The following CTNNA1 variants were observed in gnomAD, a reference collection of about 807,000 sequenced individuals.
CTNNA1 encodes catenin alpha 1.
In CTNNA1, 37 loss-of-function variants were observed where a neutral mutation model predicts 98.4. The ratio of observed to expected loss-of-function variants is 0.38; its 90% CI spans 0.29 to 0.49. The LOEUF (loss-of-function observed/expected upper bound fraction) is 0.49, where lower values mean the gene tolerates loss of function less well. CTNNA1 is among the 20% of genes least tolerant of loss of function. CTNNA1 has a pLI of 0.95. For synonymous variants in CTNNA1, 404 were observed against 413.2 expected, an observed-to-expected ratio of 0.98 and a Z score of 0.27; for missense variants, 761 against 1,147.2, an observed-to-expected ratio of 0.66 and a Z score of 4.86.
At chr5:138,777,871 T>G (rs1283414330) in intron 1 of CTNNA1, among the ~76,000 whole-genome samples, 1 of 91,102 alleles carries the variant, frequency 1.1e-5, no homozygotes, top group Non-Finnish European at 2.0e-5. Context: ...AGGGAGACCG[T>G]GGGGAGAGGG....
Position 138,917,731 on chromosome 5 carries a change from A to G in CTNNA1, c.1390-11A>G, listed in dbSNP as rs28363461. On this transcript the variant is annotated splice_polypyrimidine_tract_variant and intron_variant, in intron 10 of 17. Coordinates refer to ENST00000302763, the MANE Select transcript of CTNNA1 (RefSeq NM_001903.5). ...AAAAGAGTAAACAGTGAAGTTTAATATCTTTTGCAGGTTATTAATGCTGCA... is the reference window on the plus strand; with the variant it reads ...AAAAGAGTAAACAGTGAAGTTTAATGTCTTTTGCAGGTTATTAATGCTGCA... 3,028 of 1,613,140 alleles carry G rather than the reference A, an allele frequency of 1.9e-3. 50 individuals carry two copies. The African/African-American group carries it at 0.036, about 19-fold the overall frequency.
chr5:138,848,939 G>T lies in CTNNA1; in HGVS notation c.1062+21221G>T, dbSNP rs184661783. On this transcript the variant is annotated intron_variant, in intron 7 of 17. Transcript: ENST00000302763. ...AGGTTTCACCATGTTGGTCAGACTG[G>T]TCTCGAACTCCTGACCTCATGATAT... Among the ~76,000 whole-genome samples, 14 of 152,228 alleles carry T rather than the reference G, an allele frequency of 9.2e-5. No homozygotes were observed. In the East Asian group the frequency reaches 2.5e-3, roughly 27 times the overall value.
At chr5:138,799,506 GA>G (rs1329942856) in intron 3 of CTNNA1, among the ~76,000 whole-genome samples, 1 of 151,570 alleles carries the variant, frequency 6.6e-6, no homozygotes, top group Non-Finnish European at 1.5e-5. Context: ...AGAGATGGAG[GA>G]AAAAAAAGTT....
intron 9 of CTNNA1, among the ~76,000 whole-genome samples, chr5:138,889,717 C>G (rs925283884): frequency 6.7e-6 from 1 of 149,296 alleles, no homozygotes; most frequent in Non-Finnish European, 1.5e-5. Flanking sequence ...TCTCTCCACA[C>G]CCCCACACGT....
At chr5:138,929,834 G>T (rs571482258) in intron 14 of CTNNA1, among the ~76,000 whole-genome samples, 9 of 152,328 alleles carry the variant, frequency 5.9e-5, no homozygotes, top group African/African-American at 1.9e-4. Flanking sequence ...AGGATGCCAA[G>T]AAATATTTCT....
At position 138,824,552 on chromosome 5, in the gene CTNNA1, G is replaced by A. The variant is rs1025792545; in HGVS notation, c.611G>A (p.Arg204His). 16 of 1,613,860 alleles carry A rather than the reference G, an allele frequency of 9.9e-6. No homozygotes were observed. Among genetic ancestry groups the A allele is most frequent in the Middle Eastern group, 1.6e-4 (1 of 6,082 alleles). The change falls in exon 6 of 18, where the codon CGT becomes CAT. Residue 204 changes from arginine (R) to histidine (H), a missense_variant. This residue lies in a region of CTNNA1 where 328 missense variants were observed against 354.3 expected (regional missense o/e 0.93). Coordinates refer to ENST00000302763, the MANE Select transcript of CTNNA1 (RefSeq NM_001903.5). Reference protein sequence around the residue: ...RQQELKDVGHRDQMAAARGIL... With the variant: ...RQQELKDVGHHDQMAAARGIL... The stretch of plus-strand genomic sequence containing the variant: ...TAGGAATTGAAAGATGTTGGCCATC[G>A]TGATCAGATGGCTGCAGCTAGAGGA...
chr5:138,925,695 A>G (rs182770013), intron 13 of CTNNA1, among the ~76,000 whole-genome samples: 4 of 152,382 alleles, frequency 2.6e-5, no homozygotes, highest in Admixed American at 2.6e-4. Context: ...GCAGGAAATT[A>G]TAGAAAATAA....
intron 7 of CTNNA1, among the ~76,000 whole-genome samples, chr5:138,854,514 G>T (rs1185709007): frequency 1.3e-5 from 2 of 152,190 alleles, no homozygotes; most frequent in Non-Finnish European, 2.9e-5. Context: ...AGGAACTTAA[G>T]TGGGAGAAGG....
At chr5:138,860,932 A>G (rs1359235382) in intron 7 of CTNNA1, among the ~76,000 whole-genome samples, 2 of 152,094 alleles carry the variant, frequency 1.3e-5, no homozygotes, top group Admixed American at 6.6e-5. Flanking sequence ...AGGATGGTAT[A>G]TTCTTCTTCT....
rs144021735 is a variant in CTNNA1 at position 138,817,253 on chromosome 5, A to G, written c.588+4951A>G. ...TGGCCTGTAGCGTTTCTGCATAGAA[A>G]TCTGCGTTATTCTAATGGGAATTCC... On this transcript the variant is annotated intron_variant, in intron 5 of 17. Transcript: ENST00000302763. Among the ~76,000 whole-genome samples, 792 of 152,328 alleles carry G rather than the reference A, an allele frequency of 5.2e-3. 9 individuals are homozygous for G. In the South Asian group the frequency reaches 0.055, roughly 11 times the overall value.
chr5:138,824,127 T>G (rs1244215136), intron 5 of CTNNA1, among the ~76,000 whole-genome samples: 1 of 152,178 alleles, frequency 6.6e-6, no homozygotes, highest in Admixed American at 6.5e-5. Flanking sequence ...CAGTTTGTTT[T>G]GTCTTTTATT....
chr5:138,836,832 T>TTTA (rs1211910020), intron 7 of CTNNA1, among the ~76,000 whole-genome samples: 2 of 152,230 alleles, frequency 1.3e-5, no homozygotes, highest in African/African-American at 4.8e-5. Context: ...TCTAAATATA[T>TTTA]CAGATTATTA....
chr5:138,842,662 G>A lies in CTNNA1; in HGVS notation c.1062+14944G>A, dbSNP rs926642432. On this transcript the variant is annotated intron_variant, in intron 7 of 17. Coordinates refer to ENST00000302763, the MANE Select transcript of CTNNA1 (RefSeq NM_001903.5). The stretch of plus-strand genomic sequence containing the variant: ...AAAATCAGACCTTGATGATGACCTT[G>A]AGCAGTAGGATATAAATAGCTCCCA... Among the ~76,000 whole-genome samples the A allele has an allele frequency of 2.6e-5, 4 of 152,302 alleles. No individual in the cohort carries two copies. The South Asian group carries it at 8.3e-4, about 32-fold the overall frequency.
intron 3 of CTNNA1, among the ~76,000 whole-genome samples, chr5:138,785,500 C>G (rs943325621): frequency 8.1e-6 from 1 of 122,832 alleles, no homozygotes; most frequent in Non-Finnish European, 1.7e-5. Flanking sequence ...ACGAAACTCA[C>G]AATCATATTA....
At chr5:138,918,378 A>G (rs1237524294) in intron 11 of CTNNA1, among the ~76,000 whole-genome samples, 1 of 152,168 alleles carries the variant, frequency 6.6e-6, no homozygotes, top group Admixed American at 6.6e-5. Flanking sequence ...TTTTTAAAAT[A>G]ATTTCTTCCC....
At chr5:138,912,985 G>C (rs1760973140) in intron 10 of CTNNA1, among the ~76,000 whole-genome samples, 1 of 151,418 alleles carries the variant, frequency 6.6e-6, no homozygotes, top group Admixed American at 6.6e-5. Flanking sequence ...TTGAAATAGA[G>C]TTTTCTAAGA....
At chr5:138,774,857 C>T (rs1245119651) in intron 1 of CTNNA1, among the ~76,000 whole-genome samples, 3 of 151,742 alleles carry the variant, frequency 2.0e-5, no homozygotes, top group Non-Finnish European at 4.4e-5. Flanking sequence ...GATCCGCCCA[C>T]CTCGGCCTCC....
At chr5:138,811,565 G>T (rs557107574) in intron 4 of CTNNA1, among the ~76,000 whole-genome samples, 37 of 152,038 alleles carry the variant, frequency 2.4e-4, no homozygotes, top group Non-Finnish European at 4.6e-4. Flanking sequence ...GCCAAGGCAG[G>T]TGGCTGGGAG....
chr5:138,774,262 T>G (rs1404533891), intron 1 of CTNNA1, among the ~76,000 whole-genome samples: 1 of 152,106 alleles, frequency 6.6e-6, no homozygotes, highest in Non-Finnish European at 1.5e-5. Flanking sequence ...AGGGCTCAAG[T>G]GATTTTCCCA....
Sources: allele counts gnomAD v4.1 joint callset (sites outside exome capture counted in the v4.1 genomes callset), GRCh38; gene constraint gnomAD v4.1.1; regional missense constraint gnomAD v4.1.1; transcripts MANE v1.5; gene names NCBI Gene and HGNC (gene_info 2026-07-23, HGNC 2026-07-21).